The following TFB1M variants were observed in gnomAD, a reference collection of about 807,000 sequenced individuals.
The protein encoded by TFB1M is transcription factor B1, mitochondrial, also known as dimethyladenosine transferase 1, mitochondrial.
A neutral mutation model predicts 31.1 loss-of-function variants in TFB1M; 27 were observed. The ratio of observed to expected loss-of-function variants is 0.87; its 90% confidence interval spans 0.64 to 1.20. The LOEUF (loss-of-function observed/expected upper bound fraction) is 1.20. Among genes scored for constraint, TFB1M ranks in the 50% most tolerant of loss-of-function variants. The pLI is 0.00. For synonymous variants in TFB1M, 166 were observed against 151.8 expected, an observed-to-expected ratio of 1.09 and a Z score of -0.69; for missense variants, 394 against 418.7, an observed-to-expected ratio of 0.94 and a Z score of 0.51.
Position 155,314,472 on chromosome 6 carries a change from T to A in TFB1M, c.-44A>T. 1 of 1,608,300 alleles carries A rather than the reference T, an allele frequency of 6.2e-7. No individual in the cohort carries two copies. Among genetic ancestry groups the A allele is most frequent in the Non-Finnish European group, 8.5e-7 (1 of 1,176,116 alleles). The stretch of plus-strand genomic sequence containing the variant: ...TCCAACCCTACCTCACCCAGGACCT[T>A]CACCGCCGCTCCGAAAGAAACGCGC... On this transcript the variant is annotated 5_prime_UTR_variant, in exon 1 of 7. Coordinates refer to ENST00000367166, the MANE Select transcript of TFB1M (RefSeq NM_016020.4).
chr6:155,281,049 T>C (rs1785476812), intron 5 of TFB1M, among the ~76,000 whole-genome samples: 1 of 152,244 alleles, frequency 6.6e-6, no homozygotes, highest in African/African-American at 2.4e-5. Flanking sequence ...ATATAAATTC[T>C]ATATATAGCT....
intron 2 of TFB1M, among the ~76,000 whole-genome samples, chr6:155,300,127 A>T (rs1274730476): frequency 2.0e-5 from 3 of 152,128 alleles, no homozygotes; most frequent in Non-Finnish European, 4.4e-5. Flanking sequence ...GGCTTCCCAA[A>T]TTTGTAGGGT....
In TFB1M at chr6:155,256,444, TG is replaced by T. The variant is rs1784034069; in HGVS notation, c.*1391del. 2 of 1,613,306 alleles carry T rather than the reference TG, an allele frequency of 1.2e-6. No homozygotes were observed. Among genetic ancestry groups the T allele is most frequent in the Admixed American group, 3.3e-5 (2 of 59,992 alleles). ...GGCAAACATTACACATTGTGTAACC[TG>T]TTTCTGTATCACAGCGAAATGTGTT... is the stretch of plus-strand genomic sequence containing the variant. On this transcript the variant is annotated 3_prime_UTR_variant, in exon 7 of 7. Coordinates refer to ENST00000367166, the MANE Select transcript of TFB1M (RefSeq NM_016020.4).
chr6:155,303,832 C>T (rs762808909), intron 2 of TFB1M, among the ~76,000 whole-genome samples: 1 of 152,076 alleles, frequency 6.6e-6, no homozygotes, highest in Non-Finnish European at 1.5e-5. Context: ...TTGCAATATC[C>T]ACAGAAGAGA....
chr6:155,284,863 C>A (rs1776553456), intron 5 of TFB1M, among the ~76,000 whole-genome samples: 1 of 152,212 alleles, frequency 6.6e-6, no homozygotes, highest in Non-Finnish European at 1.5e-5. Flanking sequence ...TGTAACTTAT[C>A]TTCCATACAG....
At chr6:155,305,883 A>C (rs894502086) in intron 2 of TFB1M, among the ~76,000 whole-genome samples, 1 of 149,200 alleles carries the variant, frequency 6.7e-6, no homozygotes, top group Non-Finnish European at 1.5e-5. Flanking sequence ...CTTCATAAAC[A>C]TGAAACTTCT....
chr6:155,314,417 G>C lies in TFB1M; in HGVS notation c.12C>G (p.Ser4=). ...GGAGACGGCAAGTGCTGAGTTTTCC[G>C]GAGGCAGCCATGATACGCGGCAAGC... The part of the protein sequence containing the change: MAA[S]GKLSTCRLPP... The change falls in exon 1 of 7, where the codon TCC becomes TCG. Residue 4 remains serine, a synonymous_variant. Coordinates refer to ENST00000367166, the MANE Select transcript of TFB1M (RefSeq NM_016020.4). 6.2e-7 allele frequency: 1 copy of C among 1,614,164 alleles called. No individual in the cohort carries two copies. The highest frequency in any genetic ancestry group is 8.5e-7 in the Non-Finnish European group (1 of 1,180,002).
At chr6:155,273,581 G>A (rs1376883448) in intron 5 of TFB1M, among the ~76,000 whole-genome samples, 1 of 152,136 alleles carries the variant, frequency 6.6e-6, no homozygotes, top group Non-Finnish European at 1.5e-5. Flanking sequence ...AGGGGAGTGG[G>A]TGAAGTAGAC....
intron 1 of TFB1M, among the ~76,000 whole-genome samples, chr6:155,313,866 T>A (rs1778124254): frequency 6.6e-6 from 1 of 152,212 alleles, no homozygotes; most frequent in Admixed American, 6.5e-5. Context: ...GATACTCTTT[T>A]CACCAAGTTA....
chr6:155,270,407 T>C (rs1024471725), intron 5 of TFB1M, among the ~76,000 whole-genome samples: 2 of 152,204 alleles, frequency 1.3e-5, no homozygotes, highest in East Asian at 1.9e-4. Flanking sequence ...AAGTGGATAG[T>C]AATGTTGATA....
At chr6:155,231,639 C>G in the TFB1M span, among the ~76,000 whole-genome samples, 11 of 152,340 alleles carry the variant, frequency 7.2e-5, no homozygotes, top group African/African-American at 2.4e-4. Flanking sequence ...CAGCTTCCCC[C>G]CAAGCACTAA....
chr6:155,236,665 A>C, the TFB1M span, among the ~76,000 whole-genome samples: 1 of 152,164 alleles, frequency 6.6e-6, no homozygotes, highest in Non-Finnish European at 1.5e-5. Context: ...TCTGTCTCAA[A>C]AAAATAAAAT....
At chr6:155,231,240 A>G in the TFB1M span, among the ~76,000 whole-genome samples, 1 of 152,152 alleles carries the variant, frequency 6.6e-6, no homozygotes, top group East Asian at 1.9e-4. Flanking sequence ...GCTCCTCTTC[A>G]TACTGCAATT....
chr6:155,261,506 T>G lies in TFB1M; in HGVS notation c.667-1106A>C, dbSNP rs546534709. Reference sequence around the variant, plus strand: ...AAAATGGGAGACTGGCTTTTCTGGTTGTGTTTCTTTTAGGGTAGAAGGAAA... The same window carrying G: ...AAAATGGGAGACTGGCTTTTCTGGTGGTGTTTCTTTTAGGGTAGAAGGAAA... On this transcript the variant is annotated intron_variant, in intron 5 of 6. Transcript: ENST00000367166. Among the ~76,000 whole-genome samples, 5 of 152,350 alleles carry G rather than the reference T, an allele frequency of 3.3e-5. No homozygotes were observed. In the South Asian group the frequency reaches 1.0e-3, roughly 32 times the overall value.
rs377289785 is a variant in TFB1M, at chr6:155,256,809, C to T, written c.*1027G>A. Reference sequence around the variant, plus strand: ...TTCAGTTCCAGAGACTGAGGATTTCCGAGGACCCAGACGTTCACCCCGAGG... The same window carrying T: ...TTCAGTTCCAGAGACTGAGGATTTCTGAGGACCCAGACGTTCACCCCGAGG... On this transcript the variant is annotated 3_prime_UTR_variant, in exon 7 of 7. Coordinates refer to ENST00000367166, the MANE Select transcript of TFB1M (RefSeq NM_016020.4). The T allele has an allele frequency of 1.5e-5, 25 of 1,614,030 alleles. No homozygotes were observed. The highest frequency in any genetic ancestry group is 8.0e-5 in the African/African-American group (6 of 74,896).
the TFB1M span, among the ~76,000 whole-genome samples, chr6:155,234,100 AT>A: frequency 6.6e-6 from 1 of 152,106 alleles, no homozygotes; most frequent in Non-Finnish European, 1.5e-5. Flanking sequence ...CTTAAAGAAA[AT>A]ATTGGTTTCA....
chr6:155,248,159 A>C, the TFB1M span: 5 of 1,613,750 alleles, frequency 3.1e-6, no homozygotes, highest in Non-Finnish European at 4.2e-6. Flanking sequence ...CAGGAGAGCG[A>C]GGAGCACTAC....
Position 155,262,314 on chromosome 6 carries a change from C to G in TFB1M, c.667-1914G>C, listed in dbSNP as rs1784428487. ...ACTTCAGATGTCAGGTTCCTTCCCA[C>G]AAACTCTGAACTATCCTGCCTACCT... On this transcript the variant is annotated intron_variant, in intron 5 of 6. Coordinates refer to ENST00000367166, the MANE Select transcript of TFB1M (RefSeq NM_016020.4). 3.3e-5 allele frequency among the ~76,000 whole-genome samples: 5 copies of G among 152,322 alleles called. No homozygotes were observed. In the South Asian group the frequency reaches 1.0e-3, roughly 32 times the overall value.
intron 4 of TFB1M, among the ~76,000 whole-genome samples, chr6:155,293,031 A>G (rs1207518574): frequency 1.3e-5 from 2 of 152,090 alleles, no homozygotes; most frequent in South Asian, 4.2e-4. Flanking sequence ...AAGGTAACAT[A>G]GGGAGCTATG....
Sources: allele counts gnomAD v4.1 joint callset (sites outside exome capture counted in the v4.1 genomes callset), GRCh38; gene constraint gnomAD v4.1.1; transcripts MANE v1.5; gene names NCBI Gene and HGNC (gene_info 2026-07-23, HGNC 2026-07-21).